The following TBC1D25 variants were observed in gnomAD, a reference collection of about 807,000 sequenced individuals.
TBC1D25 encodes 5SN3 snoRNA.
A neutral mutation model predicts 38.8 loss-of-function variants in TBC1D25; 13 were observed. The ratio of observed to expected loss-of-function variants is 0.34; its 90% CI spans 0.22 to 0.53. The LOEUF (loss-of-function observed/expected upper bound fraction) is 0.53. Among genes scored for constraint, TBC1D25 ranks in the 20% least tolerant of loss-of-function variants. The probability of loss-of-function intolerance (pLI) is 0.94; values close to 1 mark genes in which losing one functional copy is unlikely to be tolerated. For synonymous variants in TBC1D25, 225 were observed against 255.6 expected (o/e 0.88, Z 1.14); for missense variants, 372 against 600.0 (o/e 0.62, Z 3.97).
At position 48,542,758 on chromosome X, in the gene TBC1D25, C is replaced by T. The variant is rs377702658; in HGVS notation, c.233+1316C>T. 6.3e-5 allele frequency among the ~76,000 whole-genome samples: 7 copies of T among 110,751 alleles called. No individual in the cohort carries two copies. In the East Asian group the frequency reaches 2.0e-3, roughly 32 times the overall value. On this transcript the variant is annotated intron_variant, in intron 2 of 5. Transcript: ENST00000376771. Reference sequence around the variant, plus strand: ...GATTACAGGCACGTGAGCCTCCGCACCCGGCCAATTTTTTGTATCTTTAGT... The same window carrying T: ...GATTACAGGCACGTGAGCCTCCGCATCCGGCCAATTTTTTGTATCTTTAGT...
intron 3 of TBC1D25, among the ~76,000 whole-genome samples, chrX:48,545,835 G>A (rs1158524863): frequency 2.7e-5 from 3 of 111,958 alleles, no homozygotes; most frequent in Non-Finnish European, 3.8e-5. Context: ...CAGGTTGTGT[G>A]TCTAGTGAGG....
At chrX:48,553,251 AATATAAT>A (rs145224720) in intron 3 of TBC1D25, among the ~76,000 whole-genome samples, 30,562 of 105,723 alleles carry the variant, frequency 0.29, 3,641 homozygotes, top group East Asian at 0.43. Flanking sequence ...TAATATATAT[AATATAAT>A]ATATAATATA....
In TBC1D25 at chrX:48,560,981, CTT is replaced by C; in HGVS notation, c.*8_*9del. The C allele has an allele frequency of 8.5e-7, 1 of 1,180,511 alleles. No individual in the cohort carries two copies. Among genetic ancestry groups the C allele is most frequent in the Non-Finnish European group, 1.1e-6 (1 of 880,916 alleles). On this transcript the variant is annotated 3_prime_UTR_variant, in exon 6 of 6. Transcript: ENST00000376771. ...AGGCCACAGCCGCATCTTGATCAGG[CTT>C]TCTCAAGCCCTCCATCGGCCCCACC...
intron 3 of TBC1D25, among the ~76,000 whole-genome samples, chrX:48,548,088 C>CTGTT (rs1323267405): frequency 9.3e-6 from 1 of 107,533 alleles, no homozygotes; most frequent in Non-Finnish European, 1.9e-5. Flanking sequence ...AGTTTGTTTT[C>CTGTT]TGTTTGTTTG....
chrX:48,555,260 C>T (rs1556984237), intron 3 of TBC1D25, among the ~76,000 whole-genome samples: 1 of 110,943 alleles, frequency 9.0e-6, no homozygotes, highest in Non-Finnish European at 1.9e-5. Context: ...TCTCTTTGGA[C>T]CCCTTAGGTT....
chrX:48,539,751 G>T lies in TBC1D25; in HGVS notation c.-47G>T. The T allele has an allele frequency of 1.1e-6, 1 of 946,857 alleles. No individual in the cohort carries two copies. The allele number at this position is 946,857 out of a possible 1,213,427, so 78.0% of individuals were successfully genotyped here. ...GTCAGTACAGTAGAGTGTGCGCCGGGGTGGGGGGCAACGGTCAGCCGTCAC... is the reference window on the plus strand; with the variant it reads ...GTCAGTACAGTAGAGTGTGCGCCGGTGTGGGGGGCAACGGTCAGCCGTCAC... On this transcript the variant is annotated 5_prime_UTR_variant, in exon 1 of 6. Coordinates refer to ENST00000376771, the MANE Select transcript of TBC1D25 (RefSeq NM_002536.4).
chrX:48,560,712 C>T lies in TBC1D25; in HGVS notation c.1804C>T (p.Pro602Ser). The part of the protein sequence containing the change: ...DPGKSLPPVP[P>S]MGLPPPQEFG... ...TGGAAAGTCCCTGCCACCTGTACCA[C>T]CAATGGGCCTGCCCCCACCCCAGGA... is the stretch of plus-strand genomic sequence containing the variant. The change falls in exon 6 of 6, where the codon CCA (proline) becomes TCA (serine). Residue 602 changes from proline to serine, a missense_variant. Transcript: ENST00000376771. 2.5e-6 allele frequency: 3 copies of T among 1,212,121 alleles called. No homozygotes were observed. The highest frequency in any genetic ancestry group is 3.3e-6 in the Non-Finnish European group (3 of 895,546).
intron 2 of TBC1D25, 118 bp downstream of exon 2, chrX:48,541,560 C>T (rs781815810): frequency 1.4e-6 from 1 of 714,590 alleles, no homozygotes; most frequent in Non-Finnish European, 2.2e-6. Context: ...CCACAGTGAA[C>T]AGCCACGTAT....
In TBC1D25 at chrX:48,539,718, C is replaced by A. The variant is rs1400224101; in HGVS notation, c.-80C>A. On this transcript the variant is annotated 5_prime_UTR_variant, in exon 1 of 6. Transcript: ENST00000376771. ...GCCTGCGCCCCGGCACGAGGTGGGG[C>A]GGCGGGCGTCAGTACAGTAGAGTGT... The A allele has an allele frequency of 4.3e-6, 4 of 927,478 alleles. No homozygotes were observed. The African/African-American group carries it at 8.4e-5, about 19-fold the overall frequency. The allele number at this position is 927,478 out of a possible 1,213,427, so 76.4% of individuals were successfully genotyped here. A position where few individuals can be genotyped will look rare whatever the true frequency, so the allele number is the denominator to read the frequency against.
chrX:48,548,541 C>T (rs782407477), intron 3 of TBC1D25, among the ~76,000 whole-genome samples: 13 of 111,842 alleles, frequency 1.2e-4, no homozygotes, highest in East Asian at 5.5e-4. Context: ...AAAATCCTGA[C>T]GGGAATTTGA....
intron 3 of TBC1D25, among the ~76,000 whole-genome samples, chrX:48,555,346 T>A (rs1005612628): frequency 2.7e-5 from 3 of 111,239 alleles, no homozygotes; most frequent in Non-Finnish European, 3.8e-5. Context: ...CCCCCTCAGC[T>A]CTATGGGAAA....
intron 1 of TBC1D25, 74 bp from the exon 2 acceptor site, chrX:48,541,259 C>T (rs1268440009): frequency 4.2e-6 from 4 of 953,640 alleles, no homozygotes; most frequent in Non-Finnish European, 6.0e-6. Flanking sequence ...ACTTTGCCTT[C>T]TACCACTCTG....
Position 48,560,906 on chromosome X carries a change from C to T in TBC1D25, c.1998C>T (p.Leu666=). Residue 666 remains leucine (L), a synonymous_variant, in exon 6 of 6, where the codon CTC becomes CTT. Coordinates refer to ENST00000376771, the MANE Select transcript of TBC1D25 (RefSeq NM_002536.4). The stretch of plus-strand genomic sequence containing the variant: ...GCGTCCTGCGCCGGGCTAGGGCTCT[C>T]TTTGCTGATTACCTGCAGTCAGAGG... The part of the protein sequence containing the change: ...LGRVLRRARA[L]FADYLQSEVW... The T allele has an allele frequency of 8.3e-7, 1 of 1,211,553 alleles. No individual in the cohort carries two copies. The highest frequency in any genetic ancestry group is 1.1e-6 in the Non-Finnish European group (1 of 895,469).
chrX:48,555,187 G>T (rs781893492), intron 3 of TBC1D25, among the ~76,000 whole-genome samples: 1 of 111,613 alleles, frequency 9.0e-6, no homozygotes, highest in African/African-American at 3.3e-5. Context: ...AACAGATAGA[G>T]ATGCTGTTTG....
At position 48,559,032 on chromosome X, in the gene TBC1D25, CAGGGACCCT is replaced by C. The variant is rs2061999009; in HGVS notation, c.516+17_516+25del. 3 of 1,211,027 alleles carry C rather than the reference CAGGGACCCT, an allele frequency of 2.5e-6. No individual in the cohort carries two copies. The highest frequency in any genetic ancestry group is 3.4e-6 in the Non-Finnish European group (3 of 895,111). On this transcript the variant is annotated intron_variant, in intron 4 of 5. Coordinates refer to ENST00000376771, the MANE Select transcript of TBC1D25 (RefSeq NM_002536.4). ...CAGTCCATCCTCACTCAGGTGTTTT[CAGGGACCCT>C]AGGGACCCAGCTGTGGTTGGAGGGC... is the stretch of plus-strand genomic sequence containing the variant.
At chrX:48,540,645 G>C (rs982418254) in intron 1 of TBC1D25, among the ~76,000 whole-genome samples, 7 of 111,786 alleles carry the variant, frequency 6.3e-5, no homozygotes, top group Non-Finnish European at 1.3e-4. Flanking sequence ...GACAGAGACA[G>C]ATCGCCAAGG....
intron 3 of TBC1D25, among the ~76,000 whole-genome samples, chrX:48,553,802 G>T (rs931339890): frequency 1.9e-4 from 20 of 107,219 alleles, no homozygotes; most frequent in Admixed American, 1.5e-3. Context: ...TATATTTTTG[G>T]GTAGAGACAG....
At chrX:48,549,832 C>G (rs2061914744) in intron 3 of TBC1D25, among the ~76,000 whole-genome samples, 1 of 111,650 alleles carries the variant, frequency 9.0e-6, no homozygotes, top group Non-Finnish European at 1.9e-5. Context: ...AACATGTTCC[C>G]CATCCATAAG....
chrX:48,546,209 T>A (rs1193719060), intron 3 of TBC1D25, among the ~76,000 whole-genome samples: 2 of 59,654 alleles, frequency 3.4e-5, no homozygotes, highest in African/African-American at 7.1e-5. Context: ...CGAGACTTCA[T>A]CTCAAAAAAA....
Sources: gnomAD v4.1 joint callset for allele counts (sites outside exome capture counted in the v4.1 genomes callset) on GRCh38, gnomAD v4.1.1 for gene constraint, MANE v1.5 for transcripts, NCBI Gene and HGNC (gene_info 2026-07-23, HGNC 2026-07-21) for gene names.